Variants in ASTN1 observed in about 807,000 individuals in gnomAD.
ASTN1 encodes the protein astrotactin 1, also known as astrotactin-1.
ASTN1 carries 41 observed loss-of-function variants against 140.7 expected under a neutral mutation model. That is an observed-to-expected ratio of 0.29 (90% confidence interval 0.23 to 0.38). ASTN1 has a LOEUF of 0.38. Ranked by LOEUF, ASTN1 falls within the 10% of genes least tolerant of loss-of-function variation. The pLI is 1.00. For synonymous variants in ASTN1, 640 were observed against 652.2 expected (o/e 0.98, Z 0.29); for missense variants, 1,479 against 1,678.8 (o/e 0.88, Z 2.08).
intron 8 of ASTN1, among the ~76,000 whole-genome samples, chr1:176,979,582 TCC>T (rs1673517060): frequency 6.6e-6 from 1 of 152,168 alleles, no homozygotes; most frequent in South Asian, 2.1e-4. Context: ...TTTCAGTGAC[TCC>T]CTTGCCAGAG....
intron 1 of ASTN1, among the ~76,000 whole-genome samples, chr1:177,089,633 A>C (rs1379554790): frequency 6.6e-6 from 1 of 152,048 alleles, no homozygotes; most frequent in Non-Finnish European, 1.5e-5. Flanking sequence ...AAATGCATGA[A>C]GGGCTGTTTT....
chr1:177,101,223 C>T (rs1396225546), intron 1 of ASTN1, among the ~76,000 whole-genome samples: 1 of 152,136 alleles, frequency 6.6e-6, no homozygotes, highest in African/African-American at 2.4e-5. Context: ...AACTAAAATG[C>T]ATTTATCTAT....
chr1:177,117,514 A>C (rs1310664498), intron 1 of ASTN1, among the ~76,000 whole-genome samples: 3 of 152,158 alleles, frequency 2.0e-5, no homozygotes, highest in Non-Finnish European at 2.9e-5. Context: ...AAAAAGCCTG[A>C]CCTAGCGGAA....
intron 1 of ASTN1, among the ~76,000 whole-genome samples, chr1:177,112,300 G>C (rs1233298696): frequency 6.6e-6 from 1 of 152,186 alleles, no homozygotes. Flanking sequence ...TGTGTAAAGA[G>C]TCCTTCACAT....
chr1:177,136,545 G>C (rs188707935), intron 1 of ASTN1, among the ~76,000 whole-genome samples: 4 of 151,876 alleles, frequency 2.6e-5, no homozygotes, highest in Non-Finnish European at 5.9e-5. Context: ...GTAGAGACAG[G>C]GTTTCACCAT....
At chr1:176,873,261 T>C (rs112213864) in intron 21 of ASTN1, among the ~76,000 whole-genome samples, 2 of 152,118 alleles carry the variant, frequency 1.3e-5, no homozygotes, top group Admixed American at 1.3e-4. Flanking sequence ...TGGATGAAGC[T>C]TCATGAAGAA....
chr1:177,164,518 C>T lies in ASTN1; in HGVS notation c.159G>A (p.Leu53=), dbSNP rs375075498. The change falls in exon 1 of 23, where the codon CTG becomes CTA. Residue 53 remains leucine, a synonymous_variant. Coordinates refer to ENST00000361833, the MANE Select transcript of ASTN1 (RefSeq NM_004319.3). ...SALPFLREND[L]SIMHSPSASE... ...AGGCCGAGGGGCTGTGCATGATGCT[C>T]AGGTCGTTCTCGCGCAGGAAGGGCA... is the stretch of plus-strand genomic sequence containing the variant. 1.6e-5 allele frequency: 26 copies of T among 1,613,824 alleles called. No homozygotes were observed. The highest frequency in any genetic ancestry group is 2.2e-5 in the Non-Finnish European group (26 of 1,179,956).
rs762153480 is a variant in ASTN1 at position 176,949,223 on chromosome 1, C to T, written c.2016G>A (p.Pro672=). 11 of 1,614,026 alleles carry T rather than the reference C, an allele frequency of 6.8e-6. No homozygotes were observed. The highest frequency in any genetic ancestry group is 1.1e-5 in the South Asian group (1 of 91,088). The change falls in exon 12 of 23, where the codon CCG becomes CCA. Residue 672 remains proline (P), a synonymous_variant. Coordinates refer to ENST00000361833, the MANE Select transcript of ASTN1 (RefSeq NM_004319.3). The part of the protein sequence containing the change: ...QLCLQQMAPF[P]DDPTLYNILM... ...GGATGTTATACAAGGTGGGGTCGTCCGGGAAGGGCGCCATCTGCTGGAGGC... is the reference window on the plus strand; with the variant it reads ...GGATGTTATACAAGGTGGGGTCGTCTGGGAAGGGCGCCATCTGCTGGAGGC...
At chr1:176,899,277 C>T (rs778662121) in intron 16 of ASTN1, among the ~76,000 whole-genome samples, 26 of 152,266 alleles carry the variant, frequency 1.7e-4, no homozygotes, top group Non-Finnish European at 1.9e-4. Context: ...TGTGGATGTG[C>T]ACATGGCCTT....
intron 11 of ASTN1, among the ~76,000 whole-genome samples, chr1:176,954,700 A>C (rs1672327242): frequency 1.3e-5 from 2 of 152,178 alleles, no homozygotes; most frequent in South Asian, 4.1e-4. Context: ...CACTAAGAAC[A>C]ATGATTAAGA....
At chr1:177,025,633 T>C (rs1457488947) in intron 5 of ASTN1, among the ~76,000 whole-genome samples, 2 of 152,184 alleles carry the variant, frequency 1.3e-5, no homozygotes, top group African/African-American at 2.4e-5. Context: ...TTATTATTGA[T>C]AGCAATAAAA....
At chr1:177,042,619 C>T (rs546270487) in intron 2 of ASTN1, among the ~76,000 whole-genome samples, 3 of 152,300 alleles carry the variant, frequency 2.0e-5, no homozygotes, top group Admixed American at 6.5e-5. Flanking sequence ...AGACATAGCA[C>T]CTAATGAATT....
chr1:176,878,741 C>T (rs1332328019), intron 20 of ASTN1, among the ~76,000 whole-genome samples: 1 of 152,064 alleles, frequency 6.6e-6, no homozygotes, highest in Non-Finnish European at 1.5e-5. Context: ...AAGAAGGCGC[C>T]CAAAGGTACC....
At chr1:177,115,655 A>AAAAT (rs3041964) in intron 1 of ASTN1, among the ~76,000 whole-genome samples, 50,444 of 141,702 alleles carry the variant, frequency 0.36, 9,245 homozygotes, top group East Asian at 0.51. Flanking sequence ...AGACTGTGTC[A>AAAAT]AAATAAATAA....
At chr1:176,983,392 C>T (rs891700269) in intron 8 of ASTN1, among the ~76,000 whole-genome samples, 8 of 152,106 alleles carry the variant, frequency 5.3e-5, no homozygotes, top group African/African-American at 1.7e-4. Context: ...TTATTTTCCA[C>T]GTAAAAGACA....
Position 176,884,403 on chromosome 1 carries a change from A to C in ASTN1, c.3162T>G (p.Ile1054Met), listed in dbSNP as rs1369905816. The change falls in exon 19 of 23, where the codon ATT (isoleucine) becomes ATG (methionine). Residue 1054 changes from isoleucine to methionine, a missense_variant. Coordinates refer to ENST00000361833, the MANE Select transcript of ASTN1 (RefSeq NM_004319.3). ...EHSEPPIGVQ[I>M]VDYLLRQEKV... is the part of the protein sequence containing the mutation. ...TCTCTTGACGGAGGAGGTAATCTAC[A>C]ATCTGCACCCCGATTGGTGGCTCTG... The C allele has an allele frequency of 1.2e-6, 2 of 1,614,174 alleles. No homozygotes were observed. The highest frequency in any genetic ancestry group is 1.7e-6 in the Non-Finnish European group (2 of 1,180,020).
chr1:177,112,871 T>C (rs1680889471), intron 1 of ASTN1, among the ~76,000 whole-genome samples: 1 of 152,180 alleles, frequency 6.6e-6, no homozygotes, highest in Non-Finnish European at 1.5e-5. Flanking sequence ...TTTCCCCACA[T>C]CATCTCCCGC....
intron 1 of ASTN1, among the ~76,000 whole-genome samples, chr1:177,132,563 A>G (rs1338106530): frequency 6.6e-6 from 1 of 152,208 alleles, no homozygotes; most frequent in African/African-American, 2.4e-5. Flanking sequence ...TAATCATGTC[A>G]ATGGAACATC....
At chr1:176,872,471 C>A (rs1021898914) in intron 21 of ASTN1, among the ~76,000 whole-genome samples, 2 of 152,122 alleles carry the variant, frequency 1.3e-5, no homozygotes, top group African/African-American at 4.8e-5. Flanking sequence ...CCTTTCACAG[C>A]CTCTATATTT....
Sources: allele counts gnomAD v4.1 joint callset (sites outside exome capture counted in the v4.1 genomes callset), GRCh38; gene constraint gnomAD v4.1.1; transcripts MANE v1.5; gene names NCBI Gene and HGNC (gene_info 2026-07-23, HGNC 2026-07-21).